The following CWC27 variants were observed in gnomAD, a reference collection of about 807,000 sequenced individuals.
CWC27 encodes the protein spliceosome-associated protein CWC27 homolog.
In CWC27, 47 loss-of-function variants were observed where a neutral mutation model predicts 63.6. The ratio of observed to expected loss-of-function variants is 0.74; its 90% CI spans 0.58 to 0.94. The LOEUF is 0.94. Ranked by LOEUF, CWC27 falls within the 40% of genes least tolerant of loss-of-function variation. CWC27 has a pLI of 0.00. For synonymous variants in CWC27, 175 were observed against 179.8 expected, an observed-to-expected ratio of 0.97 and a Z score of 0.22; for missense variants, 495 against 554.3, an observed-to-expected ratio of 0.89 and a Z score of 1.07.
At chr5:64,921,846 G>A (rs966075172) in intron 11 of CWC27, among the ~76,000 whole-genome samples, 1 of 152,176 alleles carries the variant, frequency 6.6e-6, no homozygotes, top group Non-Finnish European at 1.5e-5. Flanking sequence ...TTGTAAGGCA[G>A]GTCTAATGGT....
At chr5:64,992,284 T>A (rs1270119365) in intron 13 of CWC27, among the ~76,000 whole-genome samples, 1 of 152,168 alleles carries the variant, frequency 6.6e-6, no homozygotes, top group African/African-American at 2.4e-5. Flanking sequence ...TTCAAAAAAA[T>A]TAGGTTATCT....
intron 3 of CWC27, among the ~76,000 whole-genome samples, chr5:64,782,911 A>T (rs1743750092): frequency 6.6e-6 from 1 of 152,162 alleles, no homozygotes; most frequent in South Asian, 2.1e-4. Flanking sequence ...TCATGATTTT[A>T]GATACTCCGT....
intron 11 of CWC27, among the ~76,000 whole-genome samples, chr5:64,951,885 C>T (rs1389208926): frequency 6.6e-6 from 1 of 151,892 alleles, no homozygotes; most frequent in Non-Finnish European, 1.5e-5. Flanking sequence ...ATTAATTTTT[C>T]AGTTGATGCA....
intron 7 of CWC27, among the ~76,000 whole-genome samples, chr5:64,799,032 C>T (rs1744382190): frequency 6.6e-6 from 1 of 152,150 alleles, no homozygotes; most frequent in South Asian, 2.1e-4. Flanking sequence ...GGCCGGTATT[C>T]TGGGCCCATA....
At chr5:64,903,779 C>T (rs1440717165) in intron 11 of CWC27, among the ~76,000 whole-genome samples, 2 of 152,092 alleles carry the variant, frequency 1.3e-5, no homozygotes, top group African/African-American at 4.8e-5. Context: ...TCCCACATAC[C>T]GTCCTTTCTG....
At chr5:64,841,032 C>A (rs1384034577) in intron 10 of CWC27, among the ~76,000 whole-genome samples, 1 of 152,100 alleles carries the variant, frequency 6.6e-6, no homozygotes, top group East Asian at 1.9e-4. Flanking sequence ...TCATTCTTAC[C>A]AAATTTATAC....
intron 1 of CWC27, among the ~76,000 whole-genome samples, chr5:64,770,134 T>C: frequency 6.6e-6 from 1 of 152,238 alleles, no homozygotes; most frequent in South Asian, 2.1e-4. Flanking sequence ...ATACAGTCTT[T>C]TATTCATTGA....
chr5:64,819,378 A>G (rs1371490125), intron 10 of CWC27, among the ~76,000 whole-genome samples: 1 of 152,114 alleles, frequency 6.6e-6, no homozygotes, highest in Non-Finnish European at 1.5e-5. Flanking sequence ...AAAGTTAAAA[A>G]AGGGTGACTG....
intron 8 of CWC27, 24 bp downstream of exon 8, chr5:64,800,351 C>T: frequency 1.3e-6 from 2 of 1,514,058 alleles, no homozygotes; most frequent in South Asian, 2.3e-5. Flanking sequence ...TGGTATGATC[C>T]TAAGTTCTTA....
rs768576527 is a variant in CWC27 at position 64,824,728 on chromosome 5, C to CTTTTTTTTTTTTT, written c.938+20352_938+20364dup. ...CAGGGGAAGTGTTCCTTTCTTTTCT[C>CTTTTTTTTTTTTT]TTTTTTTTTTTTTTTTTTTTTTGAG... On this transcript the variant is annotated intron_variant, in intron 10 of 13. Coordinates refer to ENST00000381070, the MANE Select transcript of CWC27 (RefSeq NM_005869.4). Among the ~76,000 whole-genome samples, 46 of 91,972 alleles carry CTTTTTTTTTTTTT rather than the reference C, an allele frequency of 5.0e-4. 1 individual carries two copies. The highest frequency in any genetic ancestry group is 8.9e-4 in the African/African-American group (20 of 22,502). 60.3% of individuals were successfully genotyped at this position (91,972 alleles called of 152,430 possible).
intron 13 of CWC27, among the ~76,000 whole-genome samples, chr5:65,001,947 G>C (rs935011902): frequency 1.3e-5 from 2 of 151,810 alleles, no homozygotes; most frequent in African/African-American, 2.4e-5. Flanking sequence ...TAAAGCTTGA[G>C]CTTTTCTTTG....
intron 13 of CWC27, among the ~76,000 whole-genome samples, chr5:64,991,527 C>G (rs983279862): frequency 6.6e-6 from 1 of 151,986 alleles, no homozygotes; most frequent in Admixed American, 6.6e-5. Context: ...GAGTTTGAAA[C>G]CAGCCTGGGC....
At chr5:64,820,186 C>T (rs559668359) in intron 10 of CWC27, among the ~76,000 whole-genome samples, 12 of 152,082 alleles carry the variant, frequency 7.9e-5, no homozygotes, top group African/African-American at 2.4e-4. Flanking sequence ...GCACCTAAAC[C>T]GGGTATAAAC....
At chr5:64,795,509 T>TGGG (rs1744234222) in intron 7 of CWC27, among the ~76,000 whole-genome samples, 1 of 152,158 alleles carries the variant, frequency 6.6e-6, no homozygotes, top group African/African-American at 2.4e-5. Context: ...CTGGAGTCTC[T>TGGG]GGGGAGAATC....
intron 10 of CWC27, among the ~76,000 whole-genome samples, chr5:64,868,327 TTC>T (rs869041315): frequency 3.2e-5 from 2 of 62,788 alleles, no homozygotes; most frequent in East Asian, 1.6e-3. Context: ...AAGCAAAACT[TTC>T]TTAAGTATTT....
At chr5:64,907,503 A>G (rs966759875) in intron 11 of CWC27, among the ~76,000 whole-genome samples, 2 of 152,212 alleles carry the variant, frequency 1.3e-5, no homozygotes, top group Non-Finnish European at 1.5e-5. Flanking sequence ...TGATTTTTGC[A>G]CATTGACTTT....
chr5:64,930,825 A>T (rs1048451245), intron 11 of CWC27, among the ~76,000 whole-genome samples: 8 of 152,174 alleles, frequency 5.3e-5, no homozygotes, highest in African/African-American at 1.2e-4. Context: ...GTACCCTGAG[A>T]AGAACATACA....
chr5:64,795,697 T>C (rs933931951), intron 7 of CWC27, among the ~76,000 whole-genome samples: 5 of 152,142 alleles, frequency 3.3e-5, no homozygotes, highest in African/African-American at 1.2e-4. Context: ...TTTGGACCCA[T>C]CTTGATAATC....
At chr5:64,842,094 T>C (rs1272854225) in intron 10 of CWC27, among the ~76,000 whole-genome samples, 1 of 152,244 alleles carries the variant, frequency 6.6e-6, no homozygotes, top group Non-Finnish European at 1.5e-5. Flanking sequence ...GCCATTCTTT[T>C]ACATTTTGTC....
Sources: gnomAD v4.1 joint callset for allele counts (sites outside exome capture counted in the v4.1 genomes callset) on GRCh38, gnomAD v4.1.1 for gene constraint, MANE v1.5 for transcripts, NCBI Gene and HGNC (gene_info 2026-07-23, HGNC 2026-07-21) for gene names.